CADPS: variants seen among roughly 807,000 people sequenced by gnomAD.
CADPS encodes calcium-dependent secretion activator 1.
CADPS carries 57 observed loss-of-function variants against 167.3 expected under a neutral mutation model. The ratio of observed to expected loss-of-function variants is 0.34; its 90% CI spans 0.28 to 0.42. The LOEUF is 0.42. CADPS is among the 20% of genes least tolerant of loss of function. The probability of loss-of-function intolerance (pLI) is 1.00; values close to 1 mark genes in which losing one functional copy is unlikely to be tolerated. For synonymous variants in CADPS, 676 were observed against 635.3 expected (o/e 1.06, Z -0.96); for missense variants, 1,414 against 1,738.1 (o/e 0.81, Z 3.32).
Position 62,820,795 on chromosome 3 carries a change from G to GT in CADPS, c.441+53793dup, listed in dbSNP as rs5849504. Among the ~76,000 whole-genome samples, 758 of 137,988 alleles carry GT rather than the reference G, an allele frequency of 5.5e-3. 10 individuals carry two copies. Among genetic ancestry groups the GT allele is most frequent in the Non-Finnish European group, 9.7e-3 (629 of 64,682 alleles). The allele number at this position is 137,988 out of a possible 152,430, so 90.5% of individuals were successfully genotyped here. On this transcript the variant is annotated intron_variant, in intron 1 of 29. Transcript: ENST00000383710. ...TTACTCTTTCTTCCTCTTTTTTTTG[G>GT]TTTTTTTTTTTTTTCTGTCTTTTCG...
chr3:62,598,018 A>G (rs897207614), intron 6 of CADPS, among the ~76,000 whole-genome samples: 10 of 152,164 alleles, frequency 6.6e-5, no homozygotes, highest in Non-Finnish European at 1.5e-4. Context: ...AACACACACA[A>G]AAAGTGCCAT....
At chr3:62,616,883 A>T (rs1425197344) in intron 6 of CADPS, among the ~76,000 whole-genome samples, 1 of 152,204 alleles carries the variant, frequency 6.6e-6, no homozygotes, top group African/African-American at 2.4e-5. Context: ...TAACTTAGAC[A>T]TGTTCTTTCT....
At chr3:62,567,322 A>G (rs2080401782) in intron 9 of CADPS, among the ~76,000 whole-genome samples, 1 of 152,082 alleles carries the variant, frequency 6.6e-6, no homozygotes, top group Admixed American at 6.6e-5. Context: ...GTATTGCCTG[A>G]GCTTTTCTCC....
intron 6 of CADPS, among the ~76,000 whole-genome samples, chr3:62,643,301 T>C (rs1471619320): frequency 6.6e-6 from 1 of 152,216 alleles, no homozygotes; most frequent in Non-Finnish European, 1.5e-5. Flanking sequence ...CCTCGAACCC[T>C]TCTCAATACA....
chr3:62,718,267 A>G (rs146627004), intron 3 of CADPS, among the ~76,000 whole-genome samples: 1 of 152,238 alleles, frequency 6.6e-6, no homozygotes, highest in African/African-American at 2.4e-5. Flanking sequence ...TGCTCAGTAC[A>G]TGATGTCTTG....
intron 2 of CADPS, among the ~76,000 whole-genome samples, chr3:62,760,679 T>C (rs1430531779): frequency 6.6e-6 from 1 of 152,194 alleles, no homozygotes; most frequent in African/African-American, 2.4e-5. Context: ...TGTACCTGTT[T>C]ATCATGGTAT....
intron 7 of CADPS, among the ~76,000 whole-genome samples, chr3:62,590,667 C>T (rs546846688): frequency 3.3e-5 from 5 of 152,052 alleles, no homozygotes; most frequent in African/African-American, 1.2e-4. Flanking sequence ...AAAGGAAGCA[C>T]AGGAGATGAA....
chr3:62,402,239 CGGGGGGGGGGGGT>C (rs1405953453), intron 29 of CADPS, among the ~76,000 whole-genome samples: 1 of 52,638 alleles, frequency 1.9e-5, no homozygotes, highest in African/African-American at 6.0e-5. Flanking sequence ...GGGGTGGGGG[CGGGGGGGGGGGGT>C]GCCCAGGAGT....
chr3:62,852,291 C>T (rs544936174), intron 1 of CADPS, among the ~76,000 whole-genome samples: 1 of 152,190 alleles, frequency 6.6e-6, no homozygotes, highest in South Asian at 2.1e-4. Flanking sequence ...AATCATTCTC[C>T]ATCCAGCTTT....
At chr3:62,600,923 A>T (rs546914191) in intron 6 of CADPS, among the ~76,000 whole-genome samples, 171 of 152,304 alleles carry the variant, frequency 1.1e-3, no homozygotes, top group Admixed American at 3.1e-3. Flanking sequence ...GTATGAGGCC[A>T]GCCTGGGCAA....
intron 6 of CADPS, chr3:62,626,441 G>A (rs985114344): frequency 1.3e-5 from 9 of 697,128 alleles, no homozygotes; most frequent in African/African-American, 1.1e-4. Context: ...AAATTATTCA[G>A]TAAACAGAGA....
chr3:62,458,472 A>G lies in CADPS; in HGVS notation c.3636+6895T>C, dbSNP rs529677074. Among the ~76,000 whole-genome samples the G allele has an allele frequency of 6.6e-6, 1 of 152,204 alleles. No homozygotes were observed. Among genetic ancestry groups the G allele is most frequent in the South Asian group, 2.1e-4 (1 of 4,820 alleles). ...ATTTCCTGTTTGAAGCCATGTACCT[A>G]TTCATTAGGTATTTCTTTTTTCTTT... On this transcript the variant is annotated intron_variant, in intron 26 of 29. Coordinates refer to ENST00000383710, the MANE Select transcript of CADPS (RefSeq NM_003716.4). This position sits in a 1 kb window ranked among gnomAD's most constrained non-coding sequence, Gnocchi z 4.6.
At chr3:62,727,935 C>G in intron 3 of CADPS, among the ~76,000 whole-genome samples, 1 of 151,874 alleles carries the variant, frequency 6.6e-6, no homozygotes. Context: ...AGAAATGACA[C>G]AAACTCAATT....
Position 62,724,308 on chromosome 3 carries a change from C to G in CADPS, c.888+29133G>C, listed in dbSNP as rs74752643. Reference sequence around the variant, plus strand: ...CTCAGTCACTCTCAAACCTGCCTCCCTTTTACTGATGAACTCATCAGCTCT... The same window carrying G: ...CTCAGTCACTCTCAAACCTGCCTCCGTTTTACTGATGAACTCATCAGCTCT... On this transcript the variant is annotated intron_variant, in intron 3 of 29. Coordinates refer to ENST00000383710, the MANE Select transcript of CADPS (RefSeq NM_003716.4). Among the ~76,000 whole-genome samples, 1,379 of 152,266 alleles carry G rather than the reference C, an allele frequency of 9.1e-3. 19 individuals carry two copies. The highest frequency in any genetic ancestry group is 0.031 in the African/African-American group (1,295 of 41,542).
chr3:62,781,608 C>T (rs553233244), intron 1 of CADPS, among the ~76,000 whole-genome samples: 6 of 152,224 alleles, frequency 3.9e-5, no homozygotes, highest in South Asian at 2.1e-4. Flanking sequence ...GAGCAAGTTA[C>T]GTTCTGTTGG....
intron 7 of CADPS, among the ~76,000 whole-genome samples, chr3:62,590,555 C>T (rs906824173): frequency 3.3e-5 from 5 of 152,142 alleles, no homozygotes; most frequent in Admixed American, 6.5e-5. Flanking sequence ...ATTTACTTTT[C>T]GTTTTATCTC....
intron 3 of CADPS, among the ~76,000 whole-genome samples, chr3:62,687,185 G>A (rs1434456148): frequency 2.0e-5 from 3 of 152,070 alleles, no homozygotes. Flanking sequence ...CCAACACGGG[G>A]GTGGCAAATC....
chr3:62,610,637 C>T (rs931413905), intron 6 of CADPS, among the ~76,000 whole-genome samples: 1 of 152,150 alleles, frequency 6.6e-6, no homozygotes, highest in Non-Finnish European at 1.5e-5. Context: ...TCATAATCAG[C>T]TTACCATTAA....
chr3:62,499,207 T>G lies in CADPS; in HGVS notation c.2661A>C (p.Glu887Asp). ...KKLEDTIRLAELVIEVLQQNE... is the reference protein window; with the variant it reads ...KKLEDTIRLADLVIEVLQQNE... ...TTTGCTGAAGAACTTCAATGACTAGTTCAGCAAGACGTATTGTATCTTCAA... is the reference window on the plus strand; with the variant it reads ...TTTGCTGAAGAACTTCAATGACTAGGTCAGCAAGACGTATTGTATCTTCAA... The change falls in exon 18 of 30, where the codon GAA (glutamate) becomes GAC (aspartate). Residue 887 changes from glutamate (E) to aspartate (D), a missense_variant. Glu to Asp is a conservative substitution (Grantham distance 45, BLOSUM62 2). Around this residue, in one of 6 missense-constraint regions of CADPS, gnomAD observed 529 missense variants for 629.6 expected, o/e 0.84. Transcript: ENST00000383710. The G allele has an allele frequency of 8.1e-6, 13 of 1,613,952 alleles. No homozygotes were observed. The highest frequency in any genetic ancestry group is 7.6e-6 in the Non-Finnish European group (9 of 1,179,832).
Sources: allele counts gnomAD v4.1 joint callset (sites outside exome capture counted in the v4.1 genomes callset), GRCh38; gene constraint gnomAD v4.1.1; regional missense constraint gnomAD v4.1.1; non-coding constraint Gnocchi (gnomAD v3.1); transcripts MANE v1.5; gene names NCBI Gene and HGNC (gene_info 2026-07-23, HGNC 2026-07-21).